Variants in RPS6KA5 observed in about 807,000 individuals in gnomAD.
RPS6KA5 encodes ribosomal protein S6 kinase alpha-5.
Under a neutral mutation model 85.5 loss-of-function variants are expected in RPS6KA5, and 27 were observed. The observed-to-expected ratio is 0.32, with a 90% CI of 0.23 to 0.44. The LOEUF is 0.44. Ranked by LOEUF, RPS6KA5 falls within the 20% of genes least tolerant of loss-of-function variation. The pLI is 1.00. For synonymous variants in RPS6KA5, 334 were observed against 348.2 expected (o/e 0.96, Z 0.46); for missense variants, 811 against 980.9 (o/e 0.83, Z 2.31).
At chr14:90,976,041 G>A (rs909822333) in intron 3 of RPS6KA5, among the ~76,000 whole-genome samples, 1 of 152,030 alleles carries the variant, frequency 6.6e-6, no homozygotes, top group African/African-American at 2.4e-5. Flanking sequence ...AAGTAATGGA[G>A]AGCCAATAAC....
intron 14 of RPS6KA5, among the ~76,000 whole-genome samples, chr14:90,885,634 C>CGGGA (rs1405099439): frequency 1.0e-5 from 1 of 99,504 alleles, no homozygotes; most frequent in Admixed American, 1.1e-4. Flanking sequence ...CCCAGCTACT[C>CGGGA]GGGAGACTGA....
intron 14 of RPS6KA5, among the ~76,000 whole-genome samples, chr14:90,885,766 A>G (rs1007943850): frequency 8.3e-5 from 12 of 144,898 alleles, no homozygotes; most frequent in African/African-American, 3.1e-4. Context: ...AAAAAAAAAA[A>G]AAAAAAAGAA....
rs1260403235 is a variant in RPS6KA5, at chr14:90,853,665, A to T, written c.*18409T>A. On this transcript the variant is annotated 3_prime_UTR_variant, in exon 17 of 17. Coordinates refer to ENST00000614987, the MANE Select transcript of RPS6KA5 (RefSeq NM_004755.4). ...ATGGTGAAACCCCATCTCTACTAAA[A>T]ATACAAAAAAAAAAAAAAAAACCCT... 1 of 98,202 alleles carries T rather than the reference A, an allele frequency of 1.0e-5. No individual in the cohort carries two copies. The highest frequency in any genetic ancestry group is 2.0e-5 in the Non-Finnish European group (1 of 50,872). The allele number at this position is 98,202 out of a possible 1,614,324, so 6.1% of individuals were successfully genotyped here. A position where few individuals can be genotyped will look rare whatever the true frequency, so the allele number is the denominator to read the frequency against.
Position 90,853,158 on chromosome 14 carries a change from GCTTTA to G in RPS6KA5, c.*18911_*18915del, listed in dbSNP as rs1378377498. The G allele has an allele frequency of 6.6e-6, 1 of 152,092 alleles. No individual in the cohort carries two copies. Among genetic ancestry groups the G allele is most frequent in the Non-Finnish European group, 1.5e-5 (1 of 68,012 alleles). The allele number at this position is 152,092 out of a possible 1,614,324, so 9.4% of individuals were successfully genotyped here. A position where few individuals can be genotyped will look rare whatever the true frequency, so the allele number is the denominator to read the frequency against. Reference sequence around the variant, plus strand: ...TCACTATAAAAAAAATTGTTATGATGCTTTACTTAATTTGCCCATTTCTCAACATA... The same window carrying G: ...TCACTATAAAAAAAATTGTTATGATGCTTAATTTGCCCATTTCTCAACATA... On this transcript the variant is annotated 3_prime_UTR_variant, in exon 17 of 17. Transcript: ENST00000614987.
chr14:90,886,492 A>G (rs2034237506), intron 14 of RPS6KA5, among the ~76,000 whole-genome samples: 1 of 152,110 alleles, frequency 6.6e-6, no homozygotes, highest in South Asian at 2.1e-4. Flanking sequence ...GAGGTAACTA[A>G]GGTTAAATGA....
chr14:90,971,101 G>A (rs938809692), intron 3 of RPS6KA5, among the ~76,000 whole-genome samples: 2 of 152,020 alleles, frequency 1.3e-5, no homozygotes, highest in Admixed American at 6.6e-5. Flanking sequence ...GCAGATTACC[G>A]ATGCCAGGAG....
At chr14:91,059,840 A>G (rs564525587) in intron 1 of RPS6KA5, among the ~76,000 whole-genome samples, 3 of 152,350 alleles carry the variant, frequency 2.0e-5, no homozygotes, top group East Asian at 1.9e-4. Flanking sequence ...CCTCCCGTTT[A>G]TCTCCTACAG....
rs1173998638 is a variant in RPS6KA5 at position 90,866,590 on chromosome 14, C to T, written c.*5484G>A. The T allele has an allele frequency of 3.9e-5, 6 of 152,170 alleles. No homozygotes were observed. Among genetic ancestry groups the T allele is most frequent in the East Asian group, 1.9e-4 (1 of 5,206 alleles). The allele number at this position is 152,170 out of a possible 1,614,324, so 9.4% of individuals were successfully genotyped here. A position where few individuals can be genotyped will look rare whatever the true frequency, so the allele number is the denominator to read the frequency against. ...CATTTACCTTTTAGTAAGACAAATT[C>T]TTATCTTTATGTAAAACTGTGGAAG... is the stretch of plus-strand genomic sequence containing the variant. On this transcript the variant is annotated 3_prime_UTR_variant, in exon 17 of 17. Coordinates refer to ENST00000614987, the MANE Select transcript of RPS6KA5 (RefSeq NM_004755.4).
chr14:90,872,065 C>A lies in RPS6KA5; in HGVS notation c.*9G>T. 1.2e-6 allele frequency: 2 copies of A among 1,609,352 alleles called. No homozygotes were observed. Among genetic ancestry groups the A allele is most frequent in the South Asian group, 2.2e-5 (2 of 90,674 alleles). ...GGTGCAATGGATCACTGATACACTCCTACCATGCCTAAGCTACTGAGTCCG... is the reference window on the plus strand; with the variant it reads ...GGTGCAATGGATCACTGATACACTCATACCATGCCTAAGCTACTGAGTCCG... On this transcript the variant is annotated 3_prime_UTR_variant, in exon 17 of 17. Coordinates refer to ENST00000614987, the MANE Select transcript of RPS6KA5 (RefSeq NM_004755.4).
chr14:90,898,580 T>TACCAATAAAA (rs1347771136), intron 12 of RPS6KA5, among the ~76,000 whole-genome samples: 3 of 152,248 alleles, frequency 2.0e-5, no homozygotes, highest in African/African-American at 2.4e-5. Context: ...AATCTCAGTT[T>TACCAATAAAA]CTTTATTGGT....
chr14:91,022,712 A>C (rs2139800725), intron 1 of RPS6KA5, among the ~76,000 whole-genome samples: 1 of 152,336 alleles, frequency 6.6e-6, no homozygotes, highest in Non-Finnish European at 1.5e-5. Flanking sequence ...TTGAAACTAA[A>C]ATCGGGAACA....
At chr14:90,894,610 G>A (rs751635536) in intron 12 of RPS6KA5, 27 bp from the exon 13 acceptor site, 5 of 1,606,564 alleles carry the variant, frequency 3.1e-6, no homozygotes, top group Non-Finnish European at 2.6e-6. Context: ...ATAACGTGGA[G>A]GGCCTTCCTG....
chr14:90,983,817 GTCTCTCTCTCTC>G (rs531667852), intron 2 of RPS6KA5, among the ~76,000 whole-genome samples: 4 of 111,118 alleles, frequency 3.6e-5, no homozygotes, highest in African/African-American at 7.5e-5. Flanking sequence ...CTCTCTCTCT[GTCTCTCTCTCTC>G]TCTCTCTCTC....
intron 14 of RPS6KA5, among the ~76,000 whole-genome samples, chr14:90,879,727 T>C (rs2033706482): frequency 6.6e-6 from 1 of 152,106 alleles, no homozygotes; most frequent in Non-Finnish European, 1.5e-5. Flanking sequence ...AGTATTAGCT[T>C]CAGGTTTCGC....
intron 5 of RPS6KA5, among the ~76,000 whole-genome samples, chr14:90,940,327 C>T (rs2140346542): frequency 6.6e-6 from 1 of 152,296 alleles, no homozygotes; most frequent in East Asian, 1.9e-4. Flanking sequence ...GCACCCAGAC[C>T]ACTAAGTGCT....
chr14:91,059,455 G>A (rs996010343), intron 1 of RPS6KA5, among the ~76,000 whole-genome samples: 2 of 151,852 alleles, frequency 1.3e-5, no homozygotes, highest in African/African-American at 4.8e-5. Flanking sequence ...TCTGTTCAGA[G>A]AAAAAAGTAT....
chr14:90,974,037 C>CAAA (rs56212923), intron 3 of RPS6KA5, among the ~76,000 whole-genome samples: 1,262 of 61,368 alleles, frequency 0.021, 94 homozygotes, highest in African/African-American at 0.06. Context: ...GACTCCATCT[C>CAAA]AAAAAAAAAA....
chr14:90,868,652 C>T lies in RPS6KA5; in HGVS notation c.*3422G>A, dbSNP rs1253573276. The T allele has an allele frequency of 2.6e-5, 4 of 152,130 alleles. No individual in the cohort carries two copies. The East Asian group carries it at 7.7e-4, about 29-fold the overall frequency. 9.4% of individuals were successfully genotyped at this position (152,130 alleles called of 1,614,324 possible). A position where few individuals can be genotyped will look rare whatever the true frequency, so the allele number is the denominator to read the frequency against. The stretch of plus-strand genomic sequence containing the variant: ...ATAGACCCAATAATTTAGAAATTTT[C>T]ACCATTATGAGGTACCCTGTTTTTA... On this transcript the variant is annotated 3_prime_UTR_variant, in exon 17 of 17. Transcript: ENST00000614987.
intron 2 of RPS6KA5, among the ~76,000 whole-genome samples, chr14:90,986,141 T>G (rs2040044899): frequency 6.6e-6 from 1 of 151,840 alleles, no homozygotes; most frequent in Admixed American, 6.6e-5. Flanking sequence ...ACATTCAGAG[T>G]CCTGTGCTTA....
Sources: allele counts gnomAD v4.1 joint callset (sites outside exome capture counted in the v4.1 genomes callset), GRCh38; gene constraint gnomAD v4.1.1; transcripts MANE v1.5; gene names NCBI Gene and HGNC (gene_info 2026-07-23, HGNC 2026-07-21).